The following LILRB4 variants were observed in gnomAD, a reference collection of about 807,000 sequenced individuals.
LILRB4 encodes the protein leukocyte immunoglobulin like receptor B4.
Under a neutral mutation model 55.2 loss-of-function variants are expected in LILRB4, and 49 were observed. That is an observed-to-expected ratio of 0.89 (90% CI 0.71 to 1.13). The LOEUF (loss-of-function observed/expected upper bound fraction) is 1.13. LILRB4 is among the 50% of genes most tolerant of loss of function. The pLI is 0.00. For synonymous variants in LILRB4, 229 were observed against 213.8 expected, an observed-to-expected ratio of 1.07 and a Z score of -0.62; for missense variants, 590 against 555.2, an observed-to-expected ratio of 1.06 and a Z score of -0.63.
At chr19:54,667,880 C>A in exon 12 of LILRB4, 1 of 1,610,188 alleles carries the variant, frequency 6.2e-7, no homozygotes, top group South Asian at 1.1e-5. Flanking sequence ...CAGGCTGCTG[C>A]ATCTGAAGCC....
At chr19:54,668,154 G>T (rs112980831) in exon 12 of LILRB4, 1 of 977,134 alleles carries the variant, frequency 1.0e-6, no homozygotes, top group Non-Finnish European at 1.5e-6. Context: ...TTCCGGGAAC[G>T]TTGGGAGTCA....
rs2065217935 is a variant in LILRB4 at position 54,665,305 on chromosome 19, G to T, written c.757+125G>T. On this transcript the variant is annotated intron_variant, in intron 6 of 11. Transcript: ENST00000430952. The surrounding 1 kb of genome is among the most constrained non-coding windows in gnomAD (Gnocchi z 5.5). ...AGGCCCCTCCCCTGCATGGGCCTCA[G>T]TTTCTCCAAGTGTAAAGGAGAGAGG... is the stretch of plus-strand genomic sequence containing the variant. 7.6e-7 allele frequency: 1 copy of T among 1,313,372 alleles called. No homozygotes were observed. The highest frequency in any genetic ancestry group is 2.4e-5 in the Admixed American group (1 of 41,694). 81.4% of individuals were successfully genotyped at this position (1,313,372 alleles called of 1,614,324 possible).
At chr19:54,667,243 G>A (rs2146414538) in intron 10 of LILRB4, 1 of 573,792 alleles carries the variant, frequency 1.7e-6, no homozygotes, top group Non-Finnish European at 3.4e-6. Flanking sequence ...CCAGGTAAAG[G>A]GCAGAGAGTG....
At position 54,666,184 on chromosome 19, in the gene LILRB4, G is replaced by T; in HGVS notation, c.875-56G>T. Reference sequence around the variant, plus strand: ...TTTCCTTTCCTCTTGACTTGCATGTGCAAGGCAGGTGGTTCTAACGTTCCC... The same window carrying T: ...TTTCCTTTCCTCTTGACTTGCATGTTCAAGGCAGGTGGTTCTAACGTTCCC... On this transcript the variant is annotated intron_variant, in intron 7 of 11. Coordinates refer to ENST00000430952, the Ensembl canonical transcript of LILRB4. The surrounding 1 kb of genome is among the most constrained non-coding windows in gnomAD (Gnocchi z 4.8). The T allele has an allele frequency of 1.3e-6, 2 of 1,488,566 alleles. No individual in the cohort carries two copies. Among genetic ancestry groups the T allele is most frequent in the Non-Finnish European group, 1.8e-6 (2 of 1,103,032 alleles). 92.2% of individuals were successfully genotyped at this position (1,488,566 alleles called of 1,614,324 possible).
rs1351321227 is a variant in LILRB4 at position 54,664,063 on chromosome 19, G to A, written c.355+25G>A. 3 of 1,610,500 alleles carry A rather than the reference G, an allele frequency of 1.9e-6. No individual in the cohort carries two copies. The South Asian group carries it at 3.3e-5, about 18-fold the overall frequency. On this transcript the variant is annotated intron_variant, in intron 3 of 11. Transcript: ENST00000430952. ...GGTGAGAGGACACTCAGGGGTCCCA[G>A]CCCCAGGCTCTGCCCTCAGGAAGGG...
intron 10 of LILRB4, 121 bp from the exon 11 acceptor site, chr19:54,667,514 G>A (rs925542608): frequency 1.6e-5 from 24 of 1,533,440 alleles, no homozygotes; most frequent in Non-Finnish European, 2.0e-5. Context: ...ACGGCCTTAG[G>A]GCATCCCTGA....
intron 3 of LILRB4, 60 bp from the exon 4 acceptor site, chr19:54,664,126 C>T (rs576018536): frequency 6.3e-7 from 1 of 1,593,382 alleles, no homozygotes; most frequent in Non-Finnish European, 8.6e-7. Context: ...CACAGCCCAG[C>T]CCTGGGGATG....
chr19:54,667,775 C>T, exon 11 of LILRB4: 1 of 1,610,928 alleles, frequency 6.2e-7, no homozygotes, highest in Non-Finnish European at 8.5e-7. Context: ...CAGAAGAGGA[C>T]AGACAGATGG....
Position 54,666,548 on chromosome 19 carries a change from T to C in LILRB4, c.988+112T>C, listed in dbSNP as rs2065273232. 6.8e-7 allele frequency: 1 copy of C among 1,464,876 alleles called. No homozygotes were observed. The highest frequency in any genetic ancestry group is 1.4e-5 in the African/African-American group (1 of 71,682). The allele number at this position is 1,464,876 out of a possible 1,614,324, so 90.7% of individuals were successfully genotyped here. ...GATTGGTCAGGGACTCAGGGAGAAG[T>C]GGTCTGAACCCACATTGTGGGACCT... is the stretch of plus-strand genomic sequence containing the variant. On this transcript the variant is annotated intron_variant, in intron 9 of 11. Coordinates refer to ENST00000430952, the Ensembl canonical transcript of LILRB4. The surrounding 1 kb of genome is among the most constrained non-coding windows in gnomAD (Gnocchi z 4.8).
Position 54,667,619 on chromosome 19 carries a change from C to G in LILRB4, c.1042-19C>G. The G allele has an allele frequency of 6.2e-7, 1 of 1,611,112 alleles. No homozygotes were observed. ...AGGAGGATTCAAGGACACCCCCCAC[C>G]ACTGTCTCTCTCCAGCAGAGCCCAC... is the stretch of plus-strand genomic sequence containing the variant. On this transcript the variant is annotated intron_variant, in intron 10 of 11. Transcript: ENST00000430952.
At chr19:54,663,795 G>A (rs776759387) in exon 3 of LILRB4, 1 of 1,614,154 alleles carries the variant, frequency 6.2e-7, no homozygotes, top group Non-Finnish European at 8.5e-7. Context: ...GCCAGGCTCT[G>A]TGATCAGCTG....
exon 11 of LILRB4, chr19:54,667,678 A>C (rs11574589): frequency 0.025 from 39,745 of 1,564,706 alleles, 971 homozygotes; most frequent in African/African-American, 0.11. Context: ...ACGTATGCCA[A>C]GGTGAAACAC....
At chr19:54,668,373 A>C in exon 12 of LILRB4, 1 of 221,632 alleles carries the variant, frequency 4.5e-6, no homozygotes. Flanking sequence ...AAAATTAATA[A>C]AGTCAAAATG....
At chr19:54,668,186 A>G (rs2065384935) in exon 12 of LILRB4, 2 of 694,938 alleles carry the variant, frequency 2.9e-6, no homozygotes, top group East Asian at 2.7e-5. Flanking sequence ...AAAGATAAAT[A>G]ATATCCCTGC....
chr19:54,663,799 T>C (rs1212529930), exon 3 of LILRB4: 2 of 1,614,094 alleles, frequency 1.2e-6, no homozygotes, highest in East Asian at 2.2e-5. Flanking sequence ...GGCTCTGTGA[T>C]CAGCTGGGGG....
Position 54,664,574 on chromosome 19 carries a change from G to C in LILRB4, c.655+89G>C, listed in dbSNP as rs76590668. 1,159 of 1,398,886 alleles carry C rather than the reference G, an allele frequency of 8.3e-4. 6 individuals carry two copies. In the African/African-American group the frequency reaches 0.015, roughly 18 times the overall value. The allele number at this position is 1,398,886 out of a possible 1,614,324, so 86.7% of individuals were successfully genotyped here. On this transcript the variant is annotated intron_variant, in intron 4 of 11. Coordinates refer to ENST00000430952, the Ensembl canonical transcript of LILRB4. Reference sequence around the variant, plus strand: ...AGCTCTGGGCAGGGATGGAGGGAGAGGGGCTCAGCCAGTGGGGGACTCAGC... The same window carrying C: ...AGCTCTGGGCAGGGATGGAGGGAGACGGGCTCAGCCAGTGGGGGACTCAGC...
chr19:54,663,790 G>A (rs562346371), exon 3 of LILRB4: 2 of 1,614,032 alleles, frequency 1.2e-6, no homozygotes, highest in East Asian at 2.2e-5. Context: ...GCTGAGCCAG[G>A]CTCTGTGATC....
At position 54,665,141 on chromosome 19, in the gene LILRB4, G is replaced by T. The variant is rs2065207883; in HGVS notation, c.718G>T (p.Asp240Tyr). ...CTGTTCTAACCCAGCAGGCCCTGAG[G>T]ACCAGCCCCTCATGCCTACAGGGTC... Residue 240 changes from aspartate (D) to tyrosine (Y), a missense_variant, in exon 6 of 12, where the codon GAC (aspartate) becomes TAC (tyrosine). Coordinates refer to ENST00000430952, the Ensembl canonical transcript of LILRB4. The surrounding 1 kb of genome is among the most constrained non-coding windows in gnomAD (Gnocchi z 5.5). The T allele has an allele frequency of 6.2e-7, 1 of 1,607,814 alleles. No individual in the cohort carries two copies. Among genetic ancestry groups the T allele is most frequent in the East Asian group, 2.2e-5 (1 of 44,506 alleles).
At position 54,666,336 on chromosome 19, in the gene LILRB4, C is replaced by A; in HGVS notation, c.950+21C>A. 1 of 1,609,586 alleles carries A rather than the reference C, an allele frequency of 6.2e-7. No homozygotes were observed. The highest frequency in any genetic ancestry group is 1.1e-5 in the South Asian group (1 of 90,458). ...AGGAGGTAATTCTGCCCAAAGACCT[C>A]AGACTCCCACCCATCCCAACAGCCA... On this transcript the variant is annotated intron_variant, in intron 8 of 11. Coordinates refer to ENST00000430952, the Ensembl canonical transcript of LILRB4. The surrounding 1 kb of genome is among the most constrained non-coding windows in gnomAD (Gnocchi z 4.8).
Sources: allele counts gnomAD v4.1 joint callset, GRCh38; gene constraint gnomAD v4.1.1; non-coding constraint Gnocchi (gnomAD v3.1); transcripts MANE v1.5; gene names NCBI Gene and HGNC (gene_info 2026-07-23, HGNC 2026-07-21).